The following AFF3 variants were observed in gnomAD, a reference collection of about 807,000 sequenced individuals.
The protein encoded by AFF3 is ALF transcription elongation factor 3, also known as AF4/FMR2 family member 3.
A neutral mutation model predicts 129.7 loss-of-function variants in AFF3; 32 were observed. The ratio of observed to expected loss-of-function variants is 0.25; its 90% CI spans 0.19 to 0.33. The LOEUF is 0.33. Among genes scored for constraint, AFF3 ranks in the 10% least tolerant of loss-of-function variants. The pLI is 1.00. For synonymous variants in AFF3, 644 were observed against 635.4 expected (o/e 1.01, Z -0.20); for missense variants, 1,373 against 1,592.0 (o/e 0.86, Z 2.34).
intron 9 of AFF3, among the ~76,000 whole-genome samples, chr2:99,744,701 A>G (rs1575847822): frequency 6.6e-6 from 1 of 152,298 alleles, no homozygotes; most frequent in East Asian, 1.9e-4. Context: ...TCCACTCTGT[A>G]GCATGTATCG....
Position 99,895,145 on chromosome 2 carries a change from T to C in AFF3, c.874-57621A>G, listed in dbSNP as rs570644820. ...GGGTTGTTGACAGTTTTTCTGTATA[T>C]GAGTTGATGCATGAGCATGGCTATT... is the stretch of plus-strand genomic sequence containing the variant. On this transcript the variant is annotated intron_variant, in intron 7 of 24. Transcript: ENST00000672756. Among the ~76,000 whole-genome samples the C allele has an allele frequency of 8.5e-5, 13 of 152,314 alleles. 1 individual carries two copies. The East Asian group carries it at 1.4e-3, about 16-fold the overall frequency.
chr2:99,822,182 T>C (rs1476764308), intron 8 of AFF3, among the ~76,000 whole-genome samples: 5 of 152,158 alleles, frequency 3.3e-5, no homozygotes, highest in African/African-American at 1.2e-4. Context: ...AGACGCTTCA[T>C]ATCCCTGCGC....
At chr2:99,856,676 C>T (rs1235688762) in intron 7 of AFF3, among the ~76,000 whole-genome samples, 2 of 152,080 alleles carry the variant, frequency 1.3e-5, no homozygotes, top group African/African-American at 2.4e-5. Context: ...AAACAATCAG[C>T]TTACAAAAAA....
rs372682077 is a variant in AFF3, at chr2:99,638,185, T to C, written c.1184+11441A>G. Among the ~76,000 whole-genome samples the C allele has an allele frequency of 1.3e-4, 20 of 152,092 alleles. 1 individual carries two copies. In the South Asian group the frequency reaches 1.7e-3, roughly 13 times the overall value. On this transcript the variant is annotated intron_variant, in intron 13 of 24. Transcript: ENST00000672756. ...GTCTTCCAGGTTCAAGTAATTCAAC[T>C]ACCTCAGCCTCCTGCAGGTGCACAC...
At chr2:100,011,403 T>G (rs1002787884) in intron 4 of AFF3, 20 of 771,650 alleles carry the variant, frequency 2.6e-5, no homozygotes, top group Non-Finnish European at 4.1e-5. Flanking sequence ...ACTGGTGTGA[T>G]GCACGAAGTG....
intron 7 of AFF3, among the ~76,000 whole-genome samples, chr2:99,957,197 G>A (rs899648881): frequency 1.4e-5 from 2 of 146,056 alleles, no homozygotes; most frequent in Admixed American, 6.6e-5. Context: ...GTGTGTGTGC[G>A]CGCGCGCGCA....
chr2:99,715,987 T>C (rs1394109846), intron 11 of AFF3, among the ~76,000 whole-genome samples: 2 of 152,150 alleles, frequency 1.3e-5, no homozygotes. Flanking sequence ...TCTTCATTTA[T>C]TCTTTAAGGC....
At chr2:99,699,018 C>G (rs1158020928) in intron 11 of AFF3, among the ~76,000 whole-genome samples, 1 of 152,184 alleles carries the variant, frequency 6.6e-6, no homozygotes. Context: ...ATTTAAAAAA[C>G]TCTAATCCCT....
chr2:99,931,211 T>C (rs796261405), intron 7 of AFF3, among the ~76,000 whole-genome samples: 13 of 152,288 alleles, frequency 8.5e-5, no homozygotes, highest in African/African-American at 3.1e-4. Flanking sequence ...CCAGGTGGGA[T>C]GGGTCAGGAC....
intron 7 of AFF3, among the ~76,000 whole-genome samples, chr2:99,845,875 T>C (rs893075748): frequency 6.6e-5 from 10 of 152,100 alleles, no homozygotes; most frequent in African/African-American, 2.4e-4. Flanking sequence ...CTCTGTTGCC[T>C]AGGCTGGAGT....
At chr2:99,592,321 G>C (rs1678765574) in intron 15 of AFF3, among the ~76,000 whole-genome samples, 1 of 152,130 alleles carries the variant, frequency 6.6e-6, no homozygotes, top group African/African-American at 2.4e-5. Context: ...ACAGAGCCCT[G>C]TTTTCAGGGC....
chr2:100,006,372 A>G (rs1368701702), intron 7 of AFF3: 2 of 369,122 alleles, frequency 5.4e-6, no homozygotes, highest in Non-Finnish European at 9.6e-6. Flanking sequence ...ACTATAGTGA[A>G]GGGGACATTC....
intron 13 of AFF3, among the ~76,000 whole-genome samples, chr2:99,644,064 G>C (rs541452215): frequency 6.6e-6 from 1 of 152,304 alleles, no homozygotes; most frequent in African/African-American, 2.4e-5. Flanking sequence ...GCACCCCACA[G>C]AGCATGCTGG....
chr2:99,911,776 C>T (rs1238316153), intron 7 of AFF3, among the ~76,000 whole-genome samples: 1 of 152,144 alleles, frequency 6.6e-6, no homozygotes, highest in Non-Finnish European at 1.5e-5. Context: ...AGACACAAAA[C>T]CCACTACCTG....
chr2:99,704,275 A>T (rs1353068067), intron 11 of AFF3, among the ~76,000 whole-genome samples: 1 of 152,160 alleles, frequency 6.6e-6, no homozygotes, highest in African/African-American at 2.4e-5. Flanking sequence ...TTTCTGGTGG[A>T]GAAGTTCCTT....
At chr2:99,667,529 C>T (rs1385717588) in intron 12 of AFF3, among the ~76,000 whole-genome samples, 2 of 151,964 alleles carry the variant, frequency 1.3e-5, no homozygotes, top group Non-Finnish European at 2.9e-5. Context: ...GAAACTGAAA[C>T]AGAAAAAACA....
intron 9 of AFF3, among the ~76,000 whole-genome samples, chr2:99,749,652 A>G (rs530489373): frequency 9.8e-5 from 15 of 152,330 alleles, no homozygotes; most frequent in Admixed American, 8.5e-4. Flanking sequence ...CCTGTACTCA[A>G]TGGAAGGGCT....
At chr2:99,804,173 T>C (rs938474891) in intron 8 of AFF3, among the ~76,000 whole-genome samples, 15 of 152,190 alleles carry the variant, frequency 9.9e-5, no homozygotes, top group Non-Finnish European at 1.8e-4. Context: ...AGAGAAATAT[T>C]TGCAAACTAT....
At chr2:99,714,806 C>T (rs937754561) in intron 11 of AFF3, among the ~76,000 whole-genome samples, 4 of 152,026 alleles carry the variant, frequency 2.6e-5, no homozygotes, top group African/African-American at 9.7e-5. Flanking sequence ...TATTTTTTCC[C>T]TCCATATTTA....
Sources: gnomAD v4.1 joint callset for allele counts (sites outside exome capture counted in the v4.1 genomes callset) on GRCh38, gnomAD v4.1.1 for gene constraint, MANE v1.5 for transcripts, NCBI Gene and HGNC (gene_info 2026-07-23, HGNC 2026-07-21) for gene names.